Variants in IGSF11 observed in about 807,000 individuals in gnomAD.
IGSF11 encodes immunoglobulin superfamily member 11.
In IGSF11, 22 loss-of-function variants were observed where a neutral mutation model predicts 41.0. The ratio of observed to expected loss-of-function variants is 0.54; its 90% confidence interval spans 0.38 to 0.77. The LOEUF (loss-of-function observed/expected upper bound fraction) is 0.77. Among genes scored for constraint, IGSF11 ranks in the 30% least tolerant of loss-of-function variants. The probability of loss-of-function intolerance (pLI) is 0.00; values close to 1 mark genes in which losing one functional copy is unlikely to be tolerated. For missense variants in IGSF11, 444 were observed against 530.8 expected (o/e 0.84, Z 1.61); for synonymous variants, 219 against 201.3 (o/e 1.09, Z -0.74).
intron 4 of IGSF11, among the ~76,000 whole-genome samples, chr3:118,910,335 C>A (rs577320443): frequency 1.3e-5 from 2 of 152,152 alleles, no homozygotes; most frequent in African/African-American, 2.4e-5. Flanking sequence ...TGATTCAGTG[C>A]CCCACAACAG....
In IGSF11 at chr3:118,900,690, A is replaced by G. The variant is rs764526215; in HGVS notation, c.*1830T>C. 3.9e-5 allele frequency: 6 copies of G among 152,642 alleles called. No individual in the cohort carries two copies. The highest frequency in any genetic ancestry group is 8.8e-5 in the Non-Finnish European group (6 of 68,038). The allele number at this position is 152,642 out of a possible 1,614,324, so 9.5% of individuals were successfully genotyped here. On this transcript the variant is annotated 3_prime_UTR_variant, in exon 7 of 7. Transcript: ENST00000393775. ...ATTAGAAAGAATAAAGAAATGCAAG[A>G]TAAATGCTTTCTAAACAGCATCTGA... is the stretch of plus-strand genomic sequence containing the variant.
At chr3:119,067,791 C>A (rs1004294462) in intron 1 of IGSF11, among the ~76,000 whole-genome samples, 1 of 152,182 alleles carries the variant, frequency 6.6e-6, no homozygotes, top group Admixed American at 6.5e-5. Context: ...CTAGAACAGG[C>A]AAAAGCCCCA....
chr3:118,931,021 T>A (rs879347333), intron 1 of IGSF11, among the ~76,000 whole-genome samples: 1 of 152,222 alleles, frequency 6.6e-6, no homozygotes, highest in African/African-American at 2.4e-5. Flanking sequence ...TTTTTAAGGA[T>A]AGACATATAG....
intron 1 of IGSF11, among the ~76,000 whole-genome samples, chr3:119,081,541 G>A (rs1004028807): frequency 2.0e-5 from 3 of 152,158 alleles, no homozygotes; most frequent in African/African-American, 7.2e-5. Context: ...ATGTCCTACA[G>A]TTCTTTTAAA....
intron 1 of IGSF11, among the ~76,000 whole-genome samples, chr3:119,077,919 C>G (rs1268822215): frequency 1.3e-5 from 2 of 152,102 alleles, no homozygotes; most frequent in African/African-American, 4.8e-5. Flanking sequence ...AGAATGCAAT[C>G]TCATTCACGA....
intron 1 of IGSF11, among the ~76,000 whole-genome samples, chr3:119,019,145 G>C (rs1939037607): frequency 1.3e-5 from 2 of 151,890 alleles, no homozygotes; most frequent in African/African-American, 4.8e-5. Context: ...TGCCCTGTTG[G>C]TATATCAGCT....
intron 1 of IGSF11, among the ~76,000 whole-genome samples, chr3:118,997,039 G>A (rs1371422332): frequency 6.6e-6 from 1 of 152,236 alleles, no homozygotes; most frequent in African/African-American, 2.4e-5. Flanking sequence ...TCTTGGATTT[G>A]AGGTGTCTAT....
At chr3:119,117,996 C>T (rs1389970198) in intron 1 of IGSF11, among the ~76,000 whole-genome samples, 1 of 152,248 alleles carries the variant, frequency 6.6e-6, no homozygotes, top group African/African-American at 2.4e-5. Context: ...TTGGACAGCT[C>T]TGCCCTTGTG....
At chr3:119,001,412 T>C (rs912842320) in intron 1 of IGSF11, among the ~76,000 whole-genome samples, 1 of 151,378 alleles carries the variant, frequency 6.6e-6, no homozygotes, top group Non-Finnish European at 1.5e-5. Flanking sequence ...CAGTGGTAAC[T>C]CAAAAGATAT....
chr3:119,109,939 A>C (rs1466623691), upstream of IGSF11, among the ~76,000 whole-genome samples: 2 of 152,146 alleles, frequency 1.3e-5, no homozygotes, highest in African/African-American at 4.8e-5. Context: ...GTTTGATTGC[A>C]CTGTGGTCTG....
intron 1 of IGSF11, among the ~76,000 whole-genome samples, chr3:119,052,701 C>A (rs1025675518): frequency 6.6e-6 from 1 of 151,148 alleles, no homozygotes; most frequent in Non-Finnish European, 1.5e-5. Flanking sequence ...AAAAAAGAAA[C>A]CTACAGACCA....
At chr3:119,084,571 C>T (rs1252301185) in intron 1 of IGSF11, among the ~76,000 whole-genome samples, 1 of 152,296 alleles carries the variant, frequency 6.6e-6, no homozygotes, top group East Asian at 1.9e-4. Flanking sequence ...CTCTAATCTC[C>T]CAGCTAATCA....
In IGSF11 at chr3:119,001,405, T is replaced by C. The variant is rs1936827906; in HGVS notation, c.52+33126A>G. Among the ~76,000 whole-genome samples the C allele has an allele frequency of 1.3e-5, 2 of 151,472 alleles. 1 individual carries two copies. Among genetic ancestry groups the C allele is most frequent in the South Asian group, 4.2e-4 (2 of 4,804 alleles). ...GCCCAGAACAGAACCTGGCACGCAGTGGTAACTCAAAAGATATTTGTTTTT... is the reference window on the plus strand; with the variant it reads ...GCCCAGAACAGAACCTGGCACGCAGCGGTAACTCAAAAGATATTTGTTTTT... On this transcript the variant is annotated intron_variant, in intron 1 of 6. Coordinates refer to ENST00000393775, the MANE Select transcript of IGSF11 (RefSeq NM_001015887.3).
chr3:119,114,919 T>A (rs1302299601), intron 1 of IGSF11, among the ~76,000 whole-genome samples: 1 of 152,144 alleles, frequency 6.6e-6, no homozygotes, highest in Non-Finnish European at 1.5e-5. Context: ...AGGAAACTTA[T>A]AATCATGATG....
At chr3:119,138,158 C>CAAAA (rs71156733) in intron 1 of IGSF11, among the ~76,000 whole-genome samples, 1 of 134,062 alleles carries the variant, frequency 7.5e-6, no homozygotes, top group Non-Finnish European at 1.6e-5. Flanking sequence ...GGTTCCTCAA[C>CAAAA]AAAAAAAAAA....
At chr3:118,982,275 C>A (rs1230117431) in intron 1 of IGSF11, among the ~76,000 whole-genome samples, 1 of 152,144 alleles carries the variant, frequency 6.6e-6, no homozygotes, top group Non-Finnish European at 1.5e-5. Flanking sequence ...CAGAGAGAGA[C>A]CACAATACCA....
chr3:118,945,631 T>C (rs1944069827), intron 1 of IGSF11, among the ~76,000 whole-genome samples: 1 of 152,180 alleles, frequency 6.6e-6, no homozygotes, highest in Admixed American at 6.5e-5. Flanking sequence ...ACTGTATTGT[T>C]GACAGCATCT....
At chr3:119,052,184 A>G (rs1941651780) in intron 1 of IGSF11, among the ~76,000 whole-genome samples, 1 of 152,126 alleles carries the variant, frequency 6.6e-6, no homozygotes, top group Non-Finnish European at 1.5e-5. Context: ...AAATGAAACA[A>G]AAAGATGGTT....
intron 1 of IGSF11, among the ~76,000 whole-genome samples, chr3:119,129,011 G>A (rs921042344): frequency 6.6e-6 from 1 of 152,158 alleles, no homozygotes; most frequent in African/African-American, 2.4e-5. Context: ...TCCTTTGCAG[G>A]GACATGGATG....
Sources: allele counts gnomAD v4.1 joint callset (sites outside exome capture counted in the v4.1 genomes callset), GRCh38; gene constraint gnomAD v4.1.1; transcripts MANE v1.5; gene names NCBI Gene and HGNC (gene_info 2026-07-23, HGNC 2026-07-21).